CD300C: variants seen among roughly 807,000 people sequenced by gnomAD.
CD300C encodes CMRF35-like molecule 6.
A neutral mutation model predicts 18.4 loss-of-function variants in CD300C; 11 were observed. The ratio of observed to expected loss-of-function variants is 0.60; its 90% CI spans 0.38 to 0.99. CD300C has a LOEUF of 0.99. CD300C is among the 50% of genes least tolerant of loss of function. The pLI is 0.01. For synonymous variants in CD300C, 116 were observed against 116.3 expected, an observed-to-expected ratio of 1.00 and a Z score of 0.02; for missense variants, 277 against 287.4, an observed-to-expected ratio of 0.96 and a Z score of 0.26.
rs376486263 is a variant in CD300C, at chr17:74,546,112, C to A, written c.-330G>T. 3.6e-6 allele frequency: 1 copy of A among 274,896 alleles called. No homozygotes were observed. The highest frequency in any genetic ancestry group is 5.7e-5 in the South Asian group (1 of 17,420). 17.0% of individuals were successfully genotyped at this position (274,896 alleles called of 1,614,324 possible). On this transcript the variant is annotated 5_prime_UTR_variant, in exon 1 of 4. Transcript: ENST00000330793. ...TTCTGGCTTCAGTGTGTTACTCACA[C>A]TGCAGAAGGCAGAGCCAAGCTGGGC...
intron 2 of CD300C, among the ~76,000 whole-genome samples, chr17:74,544,290 C>T (rs993664876): frequency 6.6e-6 from 1 of 152,166 alleles, no homozygotes; most frequent in Admixed American, 6.5e-5. Flanking sequence ...ACAGACCCCA[C>T]CCAGGAAAGT....
At position 74,541,518 on chromosome 17, in the gene CD300C, G is replaced by A; in HGVS notation, c.*71C>T. ...TGTGGAGAGAGCAGCCCGGGAGGGA[G>A]TGGTCAGGAGGTCATTCCAGTCCCC... On this transcript the variant is annotated 3_prime_UTR_variant, in exon 4 of 4. Transcript: ENST00000330793. 9.8e-7 allele frequency: 1 copy of A among 1,016,572 alleles called. No homozygotes were observed. Among genetic ancestry groups the A allele is most frequent in the Middle Eastern group, 2.1e-4 (1 of 4,836 alleles). 63.0% of individuals were successfully genotyped at this position (1,016,572 alleles called of 1,614,324 possible).
intron 2 of CD300C, 144 bp downstream of exon 2, chr17:74,544,465 A>T: frequency 1.2e-6 from 1 of 813,162 alleles, no homozygotes; most frequent in Non-Finnish European, 1.9e-6. Context: ...AGACGCACTC[A>T]CACTCATCCA....
intron 2 of CD300C, among the ~76,000 whole-genome samples, chr17:74,544,158 G>A (rs1017049203): frequency 9.9e-5 from 15 of 152,156 alleles, no homozygotes; most frequent in African/African-American, 3.6e-4. Flanking sequence ...TGATGGGGGG[G>A]TCCAATTCCC....
Position 74,545,965 on chromosome 17 carries a change from C to T in CD300C, c.-183G>A, listed in dbSNP as rs1290801701. 1 of 604,330 alleles carries T rather than the reference C, an allele frequency of 1.7e-6. No individual in the cohort carries two copies. Among genetic ancestry groups the T allele is most frequent in the Non-Finnish European group, 3.0e-6 (1 of 336,412 alleles). 37.4% of individuals were successfully genotyped at this position (604,330 alleles called of 1,614,324 possible). A position where few individuals can be genotyped will look rare whatever the true frequency, so the allele number is the denominator to read the frequency against. ...TACAGGAAGCTCAGGGAGAGAGCCG[C>T]CTGGGCTGAGGCCGGTGCTGACAGC... On this transcript the variant is annotated 5_prime_UTR_variant, in exon 1 of 4. Transcript: ENST00000330793.
downstream of CD300C, among the ~76,000 whole-genome samples, chr17:74,537,639 A>AG (rs993257101): frequency 6.6e-5 from 10 of 151,972 alleles, no homozygotes; most frequent in South Asian, 2.1e-4. Flanking sequence ...AAAAAAAAAA[A>AG]AAAGTGTTGA....
rs569695204 is a variant in CD300C at position 74,541,215 on chromosome 17, A to C, written c.*374T>G. 4.6e-6 allele frequency: 1 copy of C among 217,792 alleles called. No individual in the cohort carries two copies. The highest frequency in any genetic ancestry group is 1.1e-4 in the East Asian group (1 of 9,466). 13.5% of individuals were successfully genotyped at this position (217,792 alleles called of 1,614,324 possible). ...CTCCTGGACCCAGGGAGTGTGGGCC[A>C]TTATGGTGGCAAAGGTGCAGGGGAG... On this transcript the variant is annotated 3_prime_UTR_variant, in exon 4 of 4. Transcript: ENST00000330793.
Position 74,541,482 on chromosome 17 carries a change from A to G in CD300C, c.*107T>C. 1.3e-6 allele frequency: 1 copy of G among 765,448 alleles called. No individual in the cohort carries two copies. 47.4% of individuals were successfully genotyped at this position (765,448 alleles called of 1,614,324 possible). A position where few individuals can be genotyped will look rare whatever the true frequency, so the allele number is the denominator to read the frequency against. On this transcript the variant is annotated 3_prime_UTR_variant, in exon 4 of 4. Coordinates refer to ENST00000330793, the MANE Select transcript of CD300C (RefSeq NM_006678.5). ...AAAGGCTGAAGGAGGCTCACAAAGG[A>G]TTCCAGGAGATGTGGAGAGAGCAGC...
chr17:74,535,047 TTATC>T, the CD300C span, among the ~76,000 whole-genome samples: 1 of 152,240 alleles, frequency 6.6e-6, no homozygotes, highest in Non-Finnish European at 1.5e-5. Context: ...GATTAATTGA[TTATC>T]TACATATAAA....
downstream of CD300C, among the ~76,000 whole-genome samples, chr17:74,538,415 G>A (rs921971047): frequency 1.1e-4 from 17 of 152,320 alleles, no homozygotes; most frequent in South Asian, 3.5e-3. Context: ...GTGACAGGCA[G>A]TGAGTTACCT....
chr17:74,545,258 C>G (rs1266146465), intron 1 of CD300C, among the ~76,000 whole-genome samples: 1 of 149,526 alleles, frequency 6.7e-6, no homozygotes, highest in African/African-American at 2.5e-5. Context: ...GTGAGTGTGA[C>G]TGTGTGTGAC....
Position 74,542,862 on chromosome 17 carries a change from CA to C in CD300C, c.525del (p.Gly176AlafsTer21). 1 of 1,605,694 alleles carries C rather than the reference CA, an allele frequency of 6.2e-7. No individual in the cohort carries two copies. Among genetic ancestry groups the C allele is most frequent in the Non-Finnish European group, 8.5e-7 (1 of 1,179,838 alleles). The stretch of plus-strand genomic sequence containing the variant: ...CAGTCCTATGCGCAGGCACCTTACC[CA>C]GGGTGTGGGCTGGGTTCGGGGCTGT... The part of the protein sequence containing the change: ...RKDSPEPSPH[P>X]GSLFSNVRFL... On this transcript the variant is annotated frameshift_variant and splice_region_variant, in exon 3 of 4. Transcript: ENST00000330793. LOFTEE classifies it low-confidence loss of function (END_TRUNC).
chr17:74,538,539 T>C (rs1056289642), downstream of CD300C, among the ~76,000 whole-genome samples: 1 of 152,204 alleles, frequency 6.6e-6, no homozygotes, highest in Non-Finnish European at 1.5e-5. Context: ...ATAAGACCAA[T>C]GGCCTCTAAT....
chr17:74,536,475 G>A (rs568540747), downstream of CD300C, among the ~76,000 whole-genome samples: 42 of 147,844 alleles, frequency 2.8e-4, 1 homozygote, highest in South Asian at 6.7e-3. Flanking sequence ...GGAGCTTGCA[G>A]TGAGCCGAGA....
rs774843981 is a variant in CD300C, at chr17:74,545,754, C to G, written c.29G>C (p.Arg10Pro). The G allele has an allele frequency of 2.5e-6, 4 of 1,609,486 alleles. No individual in the cohort carries two copies. The South Asian group carries it at 4.4e-5, about 18-fold the overall frequency. MTARAWASW[R>P]SSALLLLLVP... Reference sequence around the variant, plus strand: ...AAGCAGGAGGAGCAGAGCTGAAGACCGCCACGAGGCCCAGGCCCTGGCAGT... The same window carrying G: ...AAGCAGGAGGAGCAGAGCTGAAGACGGCCACGAGGCCCAGGCCCTGGCAGT... The change falls in exon 1 of 4, where the codon CGG becomes CCG. Residue 10 changes from arginine (R) to proline (P), a missense_variant. By Grantham distance (103) the Arg-to-Pro change is moderately radical. Transcript: ENST00000330793.
chr17:74,536,630 A>T (rs1475597722), downstream of CD300C, among the ~76,000 whole-genome samples: 9 of 152,322 alleles, frequency 5.9e-5, no homozygotes, highest in East Asian at 1.7e-3. Flanking sequence ...TAACCAAAAA[A>T]CACATGAGCA....
chr17:74,545,620 C>A (rs920691002), intron 1 of CD300C, 102 bp downstream of exon 1: 4 of 943,644 alleles, frequency 4.2e-6, no homozygotes, highest in Non-Finnish European at 3.3e-6. Flanking sequence ...TCCCCTCTCC[C>A]TGCCCCACTC....
intron 2 of CD300C, among the ~76,000 whole-genome samples, chr17:74,543,822 G>A (rs926365221): frequency 3.9e-5 from 6 of 152,170 alleles, no homozygotes; most frequent in African/African-American, 1.2e-4. Flanking sequence ...TCTTCGGCAC[G>A]GGAAAGGGCC....
chr17:74,544,272 G>A (rs1908666927), intron 2 of CD300C, among the ~76,000 whole-genome samples: 1 of 152,054 alleles, frequency 6.6e-6, no homozygotes, highest in Non-Finnish European at 1.5e-5. Context: ...AGAGTCAGGG[G>A]TGGCCTCACA....
Sources: gnomAD v4.1 joint callset for allele counts (sites outside exome capture counted in the v4.1 genomes callset) on GRCh38, gnomAD v4.1.1 for gene constraint, MANE v1.5 for transcripts, NCBI Gene and HGNC (gene_info 2026-07-23, HGNC 2026-07-21) for gene names.